NFE2L2: variants seen among roughly 807,000 people sequenced by gnomAD.
NFE2L2 encodes the protein NFE2 like bZIP transcription factor 2, also known as nuclear factor erythroid 2-related factor 2.
NFE2L2 carries 20 observed loss-of-function variants against 49.6 expected under a neutral mutation model. The ratio of observed to expected loss-of-function variants is 0.40; its 90% CI spans 0.28 to 0.59. The LOEUF is 0.59. Among genes scored for constraint, NFE2L2 ranks in the 20% least tolerant of loss-of-function variants. NFE2L2 has a pLI of 0.40. For synonymous variants in NFE2L2, 244 were observed against 256.5 expected, an observed-to-expected ratio of 0.95 and a Z score of 0.47; for missense variants, 578 against 714.2, an observed-to-expected ratio of 0.81 and a Z score of 2.17.
At position 177,234,145 on chromosome 2, in the gene NFE2L2, T is replaced by C. The variant is rs553246610; in HGVS notation, c.172A>G (p.Arg58Gly). Residue 58 changes from arginine to glycine, a missense_variant, in exon 2 of 5, where the codon AGA becomes GGA. Arg to Gly is a moderately radical substitution (Grantham distance 125). Coordinates refer to ENST00000397062, the MANE Select transcript of NFE2L2 (RefSeq NM_006164.5). Reference sequence around the variant, plus strand: ...TGCTCCTTTTGGAGTTGTTCTTGTCTTTCCTTTTCAAGTTTTTTCTGTTTT... The same window carrying C: ...TGCTCCTTTTGGAGTTGTTCTTGTCCTTCCTTTTCAAGTTTTTTCTGTTTT... ...LEKQKKLEKE[R>G]QEQLQKEQEK... The C allele has an allele frequency of 2.7e-5, 44 of 1,614,224 alleles. No individual in the cohort carries two copies. The highest frequency in any genetic ancestry group is 3.6e-5 in the Non-Finnish European group (42 of 1,180,032).
chr2:177,231,346 A>G lies in NFE2L2; in HGVS notation c.1257T>C (p.Asp419=), dbSNP rs1301535968. ...PSQGQSTHVH[D]AQCENTPEKE... ...TCTCTGGTGTGTTCTCACATTGGGCATCATGCACGTGAGTGCTCTGCCCCT... is the reference window on the plus strand; with the variant it reads ...TCTCTGGTGTGTTCTCACATTGGGCGTCATGCACGTGAGTGCTCTGCCCCT... The change falls in exon 5 of 5, where the codon GAT becomes GAC. Residue 419 remains aspartate (D), a synonymous_variant. Coordinates refer to ENST00000397062, the MANE Select transcript of NFE2L2 (RefSeq NM_006164.5). The G allele has an allele frequency of 6.2e-7, 1 of 1,614,148 alleles. No homozygotes were observed. The highest frequency in any genetic ancestry group is 1.3e-5 in the African/African-American group (1 of 74,950).
chr2:177,230,351 T>A lies in NFE2L2; in HGVS notation c.*434A>T, dbSNP rs1425770478. The A allele has an allele frequency of 7.9e-5, 13 of 165,238 alleles. No homozygotes were observed. Among genetic ancestry groups the A allele is most frequent in the South Asian group, 2.1e-4 (1 of 4,794 alleles). The allele number at this position is 165,238 out of a possible 1,614,324, so 10.2% of individuals were successfully genotyped here. A position where few individuals can be genotyped will look rare whatever the true frequency, so the allele number is the denominator to read the frequency against. On this transcript the variant is annotated 3_prime_UTR_variant, in exon 5 of 5. Transcript: ENST00000397062. ...CCTTTATTAGTACCAGCTCTTAAAA[T>A]TTTTTTTTTTTGCCAGAGCTAAACA...
At chr2:177,243,397 G>T (rs905262805) in intron 1 of NFE2L2, among the ~76,000 whole-genome samples, 2 of 152,178 alleles carry the variant, frequency 1.3e-5, no homozygotes, top group Non-Finnish European at 1.5e-5. Flanking sequence ...CATTCACACC[G>T]TAAGGCTTCT....
At chr2:177,256,081 C>T (rs1690510354) in intron 1 of NFE2L2, 1 of 154,662 alleles carries the variant, frequency 6.5e-6, no homozygotes, top group African/African-American at 2.4e-5. Context: ...TTCTTCAACA[C>T]TCTCTAGACA....
intron 1 of NFE2L2, chr2:177,264,267 G>A (rs1162653329): frequency 4.9e-6 from 2 of 406,344 alleles, no homozygotes; most frequent in Non-Finnish European, 8.8e-6. Context: ...AGGCCCACGC[G>A]AGCGGGCTCA....
At chr2:177,246,948 C>T (rs1690153649) in intron 1 of NFE2L2, among the ~76,000 whole-genome samples, 1 of 152,048 alleles carries the variant, frequency 6.6e-6, no homozygotes, top group East Asian at 1.9e-4. Context: ...CACAGATGTA[C>T]TGAAACAGTA....
chr2:177,256,133 A>C (rs1405381774), intron 1 of NFE2L2: 1 of 153,724 alleles, frequency 6.5e-6, no homozygotes, highest in East Asian at 1.9e-4. Context: ...AAAACAAACC[A>C]AAAAAAAAGT....
intron 1 of NFE2L2, among the ~76,000 whole-genome samples, chr2:177,250,273 T>C (rs1188874310): frequency 6.6e-6 from 1 of 152,242 alleles, no homozygotes; most frequent in Non-Finnish European, 1.5e-5. Context: ...GGGAGGGTAC[T>C]ACCTGTTCCA....
intron 1 of NFE2L2, chr2:177,263,579 GGGCCAACCGAGGGCTGCTGTGAC>G: frequency 1.4e-5 from 14 of 985,500 alleles, no homozygotes; most frequent in East Asian, 1.1e-4. Context: ...AAGCAGGAAA[GGGCCAACCGAGGGCTGCTGTGAC>G]GGCCAACCGA....
Position 177,230,311 on chromosome 2 carries a change from AAC to A in NFE2L2, c.*472_*473del, listed in dbSNP as rs1460928755. ...CAAAGGAATCCCAAACAAATAATTT[AAC>A]AGTCATAATAATCCTTTATTAGTAC... On this transcript the variant is annotated 3_prime_UTR_variant, in exon 5 of 5. Coordinates refer to ENST00000397062, the MANE Select transcript of NFE2L2 (RefSeq NM_006164.5). 16 of 229,988 alleles carry A rather than the reference AAC, an allele frequency of 7.0e-5. No individual in the cohort carries two copies. The highest frequency in any genetic ancestry group is 7.0e-4 in the East Asian group (11 of 15,824). The allele number at this position is 229,988 out of a possible 1,614,324, so 14.2% of individuals were successfully genotyped here. A position where few individuals can be genotyped will look rare whatever the true frequency, so the allele number is the denominator to read the frequency against.
intron 1 of NFE2L2, among the ~76,000 whole-genome samples, chr2:177,264,167 C>A (rs980188348): frequency 6.6e-6 from 1 of 152,062 alleles, no homozygotes; most frequent in African/African-American, 2.4e-5. Flanking sequence ...CGTCCGCCCC[C>A]TCTTGCCCCG....
At chr2:177,242,275 T>C (rs1025544030) in intron 1 of NFE2L2, among the ~76,000 whole-genome samples, 1 of 152,188 alleles carries the variant, frequency 6.6e-6, no homozygotes, top group African/African-American at 2.4e-5. Context: ...TCTATGTAAC[T>C]ACAGTGCCTT....
rs1689665249 is a variant in NFE2L2, at chr2:177,234,260, C to T, written c.57G>A (p.Leu19=). The change falls in exon 2 of 5, where the codon TTG becomes TTA. Residue 19 remains leucine (L), a synonymous_variant. Coordinates refer to ENST00000397062, the MANE Select transcript of NFE2L2 (RefSeq NM_006164.5). ...PGLPSQQDMD[L]IDILWRQDID... is the part of the protein sequence containing the mutation. ...TATCTTGCCTCCAAAGTATGTCAAT[C>T]AAATCCATGTCCTATGTTTAAGACA... 1.2e-6 allele frequency: 2 copies of T among 1,610,018 alleles called. No homozygotes were observed. Among genetic ancestry groups the T allele is most frequent in the African/African-American group, 2.7e-5 (2 of 74,582 alleles).
rs963928831 is a variant in NFE2L2 at position 177,264,645 on chromosome 2, G to C, written c.-69C>G. The C allele has an allele frequency of 4.4e-6, 6 of 1,365,162 alleles. No homozygotes were observed. In the South Asian group the frequency reaches 6.9e-5, roughly 16 times the overall value. 84.6% of individuals were successfully genotyped at this position (1,365,162 alleles called of 1,614,324 possible). A position where few individuals can be genotyped will look rare whatever the true frequency, so the allele number is the denominator to read the frequency against. ...TGTTCCGGCTGCCGAGGCGCGGCGC[G>C]GACAGGGCGGCTCTGGTGGCGGCGG... On this transcript the variant is annotated 5_prime_UTR_variant, in exon 1 of 5. Transcript: ENST00000397062.
intron 1 of NFE2L2, among the ~76,000 whole-genome samples, chr2:177,262,444 A>G (rs116657784): frequency 1.6e-3 from 240 of 152,342 alleles, no homozygotes; most frequent in African/African-American, 5.7e-3. Context: ...ACTATATCCT[A>G]CTACCACTTC....
intron 1 of NFE2L2, among the ~76,000 whole-genome samples, chr2:177,245,146 A>G (rs1280552101): frequency 2.6e-5 from 4 of 152,028 alleles, no homozygotes; most frequent in African/African-American, 9.7e-5. Context: ...ATTCTCATAC[A>G]TAAAGAGACT....
intron 1 of NFE2L2, among the ~76,000 whole-genome samples, chr2:177,237,144 A>T (rs1340905619): frequency 6.6e-6 from 1 of 152,038 alleles, no homozygotes; most frequent in Non-Finnish European, 1.5e-5. Context: ...ACAGGCATGA[A>T]CCACTCCACT....
chr2:177,252,642 C>T (rs1690383567), intron 1 of NFE2L2, among the ~76,000 whole-genome samples: 1 of 95,102 alleles, frequency 1.1e-5, no homozygotes, highest in Non-Finnish European at 2.1e-5. Context: ...CATCAGTGAC[C>T]ACACTGGTGG....
intron 1 of NFE2L2, among the ~76,000 whole-genome samples, chr2:177,237,141 T>C (rs1689777485): frequency 6.6e-6 from 1 of 152,222 alleles, no homozygotes; most frequent in Admixed American, 6.5e-5. Flanking sequence ...ATTACAGGCA[T>C]GAACCACTCC....
Sources: allele counts gnomAD v4.1 joint callset (sites outside exome capture counted in the v4.1 genomes callset), GRCh38; gene constraint gnomAD v4.1.1; transcripts MANE v1.5; gene names NCBI Gene and HGNC (gene_info 2026-07-23, HGNC 2026-07-21).